The following COL19A1 variants were observed in gnomAD, a reference collection of about 807,000 sequenced individuals.
COL19A1 encodes the protein collagen type XIX alpha 1 chain, also known as collagen alpha-1(XIX) chain.
A neutral mutation model predicts 190.2 loss-of-function variants in COL19A1; 159 were observed. The ratio of observed to expected loss-of-function variants is 0.84; its 90% confidence interval spans 0.73 to 0.95. COL19A1 has a LOEUF of 0.95. Among genes scored for constraint, COL19A1 ranks in the 40% least tolerant of loss-of-function variants. The pLI, the probability that COL19A1 is intolerant of heterozygous loss-of-function variation, is 0.00. For missense variants in COL19A1, 1,418 were observed against 1,431.9 expected, an observed-to-expected ratio of 0.99 and a Z score of 0.16; for synonymous variants, 509 against 458.9, an observed-to-expected ratio of 1.11 and a Z score of -1.39.
At chr6:69,998,801 T>C (rs1222259404) in intron 11 of COL19A1, among the ~76,000 whole-genome samples, 2 of 152,178 alleles carry the variant, frequency 1.3e-5, no homozygotes, top group Admixed American at 1.3e-4. Context: ...TGAACACTCA[T>C]ATATTCATCA....
chr6:69,901,647 G>T (rs1770197857), intron 4 of COL19A1, among the ~76,000 whole-genome samples: 1 of 152,204 alleles, frequency 6.6e-6, no homozygotes, highest in African/African-American at 2.4e-5. Flanking sequence ...ATAAAGAAAA[G>T]ATGAGAGGCG....
Position 70,137,733 on chromosome 6 carries a change from CA to C in COL19A1, c.1437del (p.Gly480GlufsTer20). On this transcript the variant is annotated frameshift_variant, in exon 19 of 51. Coordinates refer to ENST00000620364, the MANE Select transcript of COL19A1 (RefSeq NM_001858.6). LOFTEE classifies it high-confidence loss of function. Reference protein sequence around the residue: ...GFPGSVGPKGQKGEPGEPFTK... With the variant: ...GFPGSVGPKGXKGEPGEPFTK... ...TCCAGGGTCTGTTGGCCCTAAAGGA[CA>C]AAAAGGAGAACCTGTAAGTATTTTA... is the stretch of plus-strand genomic sequence containing the variant. 1 of 1,612,776 alleles carries C rather than the reference CA, an allele frequency of 6.2e-7. No individual in the cohort carries two copies. The highest frequency in any genetic ancestry group is 8.5e-7 in the Non-Finnish European group (1 of 1,179,192).
intron 19 of COL19A1, 151 bp from the exon 20 acceptor site, chr6:70,140,803 C>T (rs1216210236): frequency 4.2e-6 from 3 of 713,376 alleles, no homozygotes; most frequent in Non-Finnish European, 7.4e-6. Flanking sequence ...TTCCTTTAAG[C>T]TGCAAAGACA....
At position 70,006,939 on chromosome 6, in the gene COL19A1, G is replaced by A. The variant is rs552735487; in HGVS notation, c.1027-16688G>A. 1.6e-4 allele frequency among the ~76,000 whole-genome samples: 24 copies of A among 151,946 alleles called. No homozygotes were observed. In the East Asian group the frequency reaches 3.9e-3, roughly 25 times the overall value. Reference sequence around the variant, plus strand: ...AATCACTTTAAAAATTTCAAAAAAAGCTAAAAATTTATGAAAAACTAAAAT... The same window carrying A: ...AATCACTTTAAAAATTTCAAAAAAAACTAAAAATTTATGAAAAACTAAAAT... On this transcript the variant is annotated intron_variant, in intron 11 of 50. Transcript: ENST00000620364.
intron 1 of COL19A1, among the ~76,000 whole-genome samples, chr6:69,867,176 G>A (rs1207610661): frequency 5.9e-5 from 9 of 151,624 alleles, no homozygotes; most frequent in Admixed American, 5.3e-4. Context: ...GCGGGGTTCC[G>A]GTGCGGTGCC....
intron 11 of COL19A1, among the ~76,000 whole-genome samples, chr6:69,977,199 G>A (rs1775761551): frequency 6.6e-6 from 1 of 152,152 alleles, no homozygotes. Context: ...TTAAGAAAAT[G>A]TAGCGCATAT....
At chr6:70,193,053 T>C (rs1420263615) in intron 48 of COL19A1, among the ~76,000 whole-genome samples, 1 of 152,100 alleles carries the variant, frequency 6.6e-6, no homozygotes, top group African/African-American at 2.4e-5. Context: ...TAACCCATCT[T>C]TTTGGAAGCT....
intron 11 of COL19A1, among the ~76,000 whole-genome samples, chr6:69,986,076 T>C (rs907035215): frequency 2.3e-4 from 35 of 151,918 alleles, no homozygotes; most frequent in African/African-American, 8.2e-4. Flanking sequence ...AAAGAACTCT[T>C]TCTTTTTCAG....
chr6:70,055,613 C>T (rs970360427), intron 14 of COL19A1, among the ~76,000 whole-genome samples: 1 of 151,768 alleles, frequency 6.6e-6, no homozygotes, highest in African/African-American at 2.4e-5. Flanking sequence ...GAAACCTCAT[C>T]TCTACTAAAA....
chr6:69,888,311 ACTAG>A (rs1769079562), intron 2 of COL19A1, among the ~76,000 whole-genome samples: 1 of 152,150 alleles, frequency 6.6e-6, no homozygotes, highest in Non-Finnish European at 1.5e-5. Context: ...CAAACACCCA[ACTAG>A]CAAAAAAAAA....
intron 1 of COL19A1, among the ~76,000 whole-genome samples, chr6:69,874,190 CA>C (rs1276052631): frequency 6.6e-6 from 1 of 152,056 alleles, no homozygotes; most frequent in South Asian, 2.1e-4. Context: ...CCGCAGGTGT[CA>C]GGGAATGGTG....
rs1458767695 is a variant in COL19A1, at chr6:70,209,595, G to T, written c.*2321G>T. On this transcript the variant is annotated 3_prime_UTR_variant, in exon 51 of 51. Transcript: ENST00000620364. ...CTTGACTGGTTAATTCCTATTTCAA[G>T]GATTTGGATTTATTCAGGTAATTTG... 1 of 152,050 alleles carries T rather than the reference G, an allele frequency of 6.6e-6. No individual in the cohort carries two copies. The highest frequency in any genetic ancestry group is 1.5e-5 in the Non-Finnish European group (1 of 68,020). The allele number at this position is 152,050 out of a possible 1,614,324, so 9.4% of individuals were successfully genotyped here. A position where few individuals can be genotyped will look rare whatever the true frequency, so the allele number is the denominator to read the frequency against.
intron 4 of COL19A1, among the ~76,000 whole-genome samples, chr6:69,926,513 T>G: frequency 6.6e-6 from 1 of 151,948 alleles, no homozygotes; most frequent in East Asian, 1.9e-4. Context: ...AATGAAAAAT[T>G]TACAGGAGGG....
chr6:69,956,101 A>G (rs1261036651), intron 9 of COL19A1, among the ~76,000 whole-genome samples: 2 of 152,024 alleles, frequency 1.3e-5, no homozygotes. Context: ...ATGCACCTGT[A>G]TATACATACA....
At chr6:70,038,435 A>C (rs1026463608) in intron 14 of COL19A1, among the ~76,000 whole-genome samples, 3 of 152,244 alleles carry the variant, frequency 2.0e-5, no homozygotes, top group African/African-American at 4.8e-5. Flanking sequence ...ACTCAAAAAA[A>C]TTATATCAGA....
intron 9 of COL19A1, among the ~76,000 whole-genome samples, chr6:69,957,596 T>TTTCTATGGA (rs1421954144): frequency 6.6e-6 from 1 of 152,130 alleles, no homozygotes; most frequent in Admixed American, 6.6e-5. Flanking sequence ...AAAGTTATGG[T>TTTCTATGGA]TTCTATGGGA....
At chr6:70,096,885 G>A (rs1582901544) in intron 15 of COL19A1, among the ~76,000 whole-genome samples, 1 of 152,246 alleles carries the variant, frequency 6.6e-6, no homozygotes, top group Non-Finnish European at 1.5e-5. Context: ...GAACAGCCAA[G>A]CAGGTGGCAC....
intron 16 of COL19A1, among the ~76,000 whole-genome samples, chr6:70,106,032 A>G (rs902182688): frequency 2.6e-5 from 4 of 152,156 alleles, no homozygotes; most frequent in Non-Finnish European, 5.9e-5. Context: ...TATTTTTTTA[A>G]TAACAGCATA....
chr6:70,160,490 C>T (rs1787731614), intron 34 of COL19A1, among the ~76,000 whole-genome samples: 1 of 152,122 alleles, frequency 6.6e-6, no homozygotes, highest in Admixed American at 6.6e-5. Flanking sequence ...CCTCTGAAAA[C>T]CCTGGAAATG....
Sources: allele counts gnomAD v4.1 joint callset (sites outside exome capture counted in the v4.1 genomes callset), GRCh38; gene constraint gnomAD v4.1.1; transcripts MANE v1.5; gene names NCBI Gene and HGNC (gene_info 2026-07-23, HGNC 2026-07-21).